Variants in RSRC1 observed in about 807,000 individuals in gnomAD.
RSRC1 encodes the protein arginine and serine rich coiled-coil 1, also known as serine/Arginine-related protein 53.
In RSRC1, 39 loss-of-function variants were observed where a neutral mutation model predicts 49.1. The ratio of observed to expected loss-of-function variants is 0.79; its 90% CI spans 0.61 to 1.04. The LOEUF is 1.04. Among genes scored for constraint, RSRC1 ranks in the 50% least tolerant of loss-of-function variants. RSRC1 has a pLI of 0.00. For synonymous variants in RSRC1, 143 were observed against 130.8 expected, an observed-to-expected ratio of 1.09 and a Z score of -0.63; for missense variants, 388 against 402.4, an observed-to-expected ratio of 0.96 and a Z score of 0.31.
At chr3:158,363,777 A>G (rs746198623) in intron 6 of RSRC1, among the ~76,000 whole-genome samples, 17 of 152,342 alleles carry the variant, frequency 1.1e-4, no homozygotes, top group Non-Finnish European at 1.3e-4. Flanking sequence ...TTTAGGAACA[A>G]TAAGTTATTT....
intron 5 of RSRC1, among the ~76,000 whole-genome samples, chr3:158,346,752 C>T (rs1381408286): frequency 1.3e-5 from 2 of 152,104 alleles, no homozygotes; most frequent in African/African-American, 4.8e-5. Flanking sequence ...TATGACTTAG[C>T]CATTTCAATT....
chr3:158,295,156 G>A (rs947418166), intron 4 of RSRC1, among the ~76,000 whole-genome samples: 2 of 152,180 alleles, frequency 1.3e-5, no homozygotes, highest in South Asian at 4.2e-4. Context: ...TGTGGGACAA[G>A]GAGAAGGTTT....
intron 7 of RSRC1, among the ~76,000 whole-genome samples, chr3:158,520,777 G>A (rs570850613): frequency 6.6e-6 from 1 of 152,242 alleles, no homozygotes; most frequent in South Asian, 2.1e-4. Flanking sequence ...TGATAGTTTT[G>A]TGATTATTAA....
intron 6 of RSRC1, among the ~76,000 whole-genome samples, chr3:158,390,473 T>C (rs1157903333): frequency 6.6e-6 from 1 of 152,130 alleles, no homozygotes; most frequent in Non-Finnish European, 1.5e-5. Flanking sequence ...AAATAAAACA[T>C]GATTTGGAAT....
At chr3:158,160,628 A>G (rs2108224803) in intron 3 of RSRC1, among the ~76,000 whole-genome samples, 1 of 152,200 alleles carries the variant, frequency 6.6e-6, no homozygotes, top group South Asian at 2.1e-4. Context: ...AAAAATAACT[A>G]CTCTAAAACT....
intron 5 of RSRC1, among the ~76,000 whole-genome samples, chr3:158,328,944 T>C (rs900674733): frequency 7.9e-5 from 12 of 152,212 alleles, no homozygotes; most frequent in African/African-American, 2.9e-4. Context: ...TTCTTTTTGC[T>C]CTTTTTTCTC....
intron 7 of RSRC1, among the ~76,000 whole-genome samples, chr3:158,463,991 ATATT>A (rs1560054245): frequency 6.6e-6 from 1 of 152,100 alleles, no homozygotes. Flanking sequence ...GGTCAACTAA[ATATT>A]TAAAGTTTAA....
At chr3:158,502,904 T>C (rs1739672658) in intron 7 of RSRC1, among the ~76,000 whole-genome samples, 1 of 152,204 alleles carries the variant, frequency 6.6e-6, no homozygotes, top group Non-Finnish European at 1.5e-5. Context: ...GATCCATTGC[T>C]GGTAAAGTAG....
intron 7 of RSRC1, among the ~76,000 whole-genome samples, chr3:158,473,107 G>A (rs1046583973): frequency 4.6e-5 from 7 of 152,128 alleles, no homozygotes; most frequent in Non-Finnish European, 7.4e-5. Flanking sequence ...ACAGTGTGGC[G>A]ATTCCTCGTG....
chr3:158,425,600 C>T (rs568570970), intron 6 of RSRC1, among the ~76,000 whole-genome samples: 23 of 151,692 alleles, frequency 1.5e-4, no homozygotes, highest in Admixed American at 3.9e-4. Flanking sequence ...CTATTAGGTC[C>T]GCTTGGTGCA....
intron 7 of RSRC1, chr3:158,469,558 T>G (rs998791106): frequency 1.3e-5 from 2 of 152,744 alleles, no homozygotes; most frequent in Non-Finnish European, 1.4e-5. Flanking sequence ...TATAATATGT[T>G]TGAATGATCT....
intron 4 of RSRC1, among the ~76,000 whole-genome samples, chr3:158,287,054 C>T (rs1034111753): frequency 2.0e-5 from 3 of 152,158 alleles, no homozygotes; most frequent in African/African-American, 4.8e-5. Context: ...TCTCCATCTC[C>T]TGACCTCGTG....
intron 3 of RSRC1, among the ~76,000 whole-genome samples, chr3:158,180,868 A>G (rs1342118592): frequency 7.0e-6 from 1 of 143,340 alleles, no homozygotes; most frequent in Non-Finnish European, 1.5e-5. Context: ...GCAATGGCGC[A>G]ATCTCGGCTT....
chr3:158,122,112 G>T lies in RSRC1; in HGVS notation c.8G>T (p.Arg3Leu), dbSNP rs769372008. The T allele has an allele frequency of 1.3e-6, 2 of 1,497,660 alleles. No individual in the cohort carries two copies. Among genetic ancestry groups the T allele is most frequent in the Middle Eastern group, 3.6e-4 (2 of 5,594 alleles). 92.8% of individuals were successfully genotyped at this position (1,497,660 alleles called of 1,614,324 possible). Reference protein sequence around the residue: MGRRSSDTEEESR... With the variant: MGLRSSDTEEESR... ...AAATTTATGCTTATAGAAATGGGAC[G>T]TCGGTCATCAGATACTGAAGAAGAA... Residue 3 changes from arginine to leucine, a missense_variant, in exon 2 of 10, where the codon CGT (arginine) becomes CTT (leucine). Physicochemically the swap from Arg to Leu is moderately radical, Grantham distance 102 (BLOSUM62 -2). Coordinates refer to ENST00000611884, the MANE Select transcript of RSRC1 (RefSeq NM_001271838.2).
chr3:158,392,016 A>G (rs1733333627), intron 6 of RSRC1, among the ~76,000 whole-genome samples: 6 of 152,102 alleles, frequency 3.9e-5, no homozygotes, highest in Admixed American at 3.9e-4. Flanking sequence ...CCTTGATTAT[A>G]ATAATAAGAT....
At chr3:158,444,674 A>C (rs1044168387) in intron 6 of RSRC1, among the ~76,000 whole-genome samples, 1 of 152,192 alleles carries the variant, frequency 6.6e-6, no homozygotes, top group Non-Finnish European at 1.5e-5. Context: ...TAATTAAACT[A>C]AAGAGCTTCT....
intron 4 of RSRC1, among the ~76,000 whole-genome samples, chr3:158,285,420 A>G (rs1007348321): frequency 6.6e-6 from 1 of 152,190 alleles, no homozygotes; most frequent in Admixed American, 6.5e-5. Context: ...GTTTTTGCCA[A>G]TTCTGTGAAG....
At chr3:158,424,601 G>A (rs1318514673) in intron 6 of RSRC1, among the ~76,000 whole-genome samples, 11 of 151,232 alleles carry the variant, frequency 7.3e-5, no homozygotes, top group Non-Finnish European at 1.6e-4. Flanking sequence ...CATAAAATGA[G>A]TTAGGGAGGA....
intron 5 of RSRC1, among the ~76,000 whole-genome samples, chr3:158,329,454 C>A (rs1222785980): frequency 6.6e-6 from 1 of 152,222 alleles, no homozygotes; most frequent in African/African-American, 2.4e-5. Context: ...TTTCTTCTAA[C>A]AGTCAGGACC....
Sources: gnomAD v4.1 joint callset for allele counts (sites outside exome capture counted in the v4.1 genomes callset) on GRCh38, gnomAD v4.1.1 for gene constraint, MANE v1.5 for transcripts, NCBI Gene and HGNC (gene_info 2026-07-23, HGNC 2026-07-21) for gene names.